The following RBM4 variants were observed in gnomAD, a reference collection of about 807,000 sequenced individuals.
RBM4 encodes the protein RNA-binding protein 4.
A neutral mutation model predicts 29.5 loss-of-function variants in RBM4; 7 were observed. The ratio of observed to expected loss-of-function variants is 0.24; its 90% CI spans 0.14 to 0.45. RBM4 has a LOEUF of 0.45. Ranked by LOEUF, RBM4 falls within the 20% of genes least tolerant of loss-of-function variation. RBM4 has a pLI of 1.00. For missense variants in RBM4, 387 were observed against 502.3 expected, an observed-to-expected ratio of 0.77 and a Z score of 2.19; for synonymous variants, 220 against 205.4, an observed-to-expected ratio of 1.07 and a Z score of -0.61.
At position 66,644,248 on chromosome 11, in the gene RBM4, G is replaced by A. The variant is rs1938592633; in HGVS notation, c.*8+108G>A. The A allele has an allele frequency of 4.2e-6, 6 of 1,435,614 alleles. No homozygotes were observed. In the Admixed American group the frequency reaches 7.7e-5, roughly 19 times the overall value. 88.9% of individuals were successfully genotyped at this position (1,435,614 alleles called of 1,614,324 possible). A position where few individuals can be genotyped will look rare whatever the true frequency, so the allele number is the denominator to read the frequency against. On this transcript the variant is annotated intron_variant, in intron 3 of 3. Transcript: ENST00000310092. ...CTTGCTTGCTTTTGCAGGGTTAGGG[G>A]AAGGTTACTAGGATGGCTCACAGGC...
intron 2 of RBM4, among the ~76,000 whole-genome samples, chr11:66,651,565 G>T (rs1938832003): frequency 6.6e-6 from 1 of 152,086 alleles, no homozygotes; most frequent in Non-Finnish European, 1.5e-5. Context: ...AGCCAGGATG[G>T]TCTCGATCTC....
In RBM4 at chr11:66,661,518, G is replaced by C. The variant is rs1939083150; in HGVS notation, c.413-4338G>C. 2.6e-5 allele frequency among the ~76,000 whole-genome samples: 4 copies of C among 152,144 alleles called. No homozygotes were observed. The South Asian group carries it at 6.2e-4, about 24-fold the overall frequency. On this transcript the variant is annotated intron_variant, in intron 2 of 2. Transcript: ENST00000396053. The stretch of plus-strand genomic sequence containing the variant: ...TGCTGGAAACCTGAGGAAGGGGGTA[G>C]ATCTGAGGCTACAGAAACCACATAT...
intron 2 of RBM4, among the ~76,000 whole-genome samples, chr11:66,659,998 G>C (rs1939043452): frequency 6.6e-6 from 1 of 152,084 alleles, no homozygotes; most frequent in South Asian, 2.1e-4. Context: ...CAATCCCTTA[G>C]TTTGAACGTG....
chr11:66,652,735 G>A (rs1938859109), intron 2 of RBM4, among the ~76,000 whole-genome samples: 1 of 152,158 alleles, frequency 6.6e-6, no homozygotes, highest in Non-Finnish European at 1.5e-5. Flanking sequence ...TTCGGGCGTG[G>A]TGGCGCATGT....
rs1469532489 is a variant in RBM4 at position 66,643,395 on chromosome 11, G to A, written c.413-55G>A. On this transcript the variant is annotated intron_variant, in intron 2 of 3. Transcript: ENST00000310092. The surrounding 1 kb of genome is among the most constrained non-coding windows in gnomAD (Gnocchi z 6.1). ...TGCTATGACCAGTGTCTGGGGTAGGGGCTGGGGCTATGACTAAGAGTGATA... is the reference window on the plus strand; with the variant it reads ...TGCTATGACCAGTGTCTGGGGTAGGAGCTGGGGCTATGACTAAGAGTGATA... 3 of 1,554,724 alleles carry A rather than the reference G, an allele frequency of 1.9e-6. No homozygotes were observed. Among genetic ancestry groups the A allele is most frequent in the Middle Eastern group, 1.7e-4 (1 of 5,790 alleles).
At chr11:66,658,193 T>G (rs1172785119) in intron 2 of RBM4, among the ~76,000 whole-genome samples, 1 of 151,796 alleles carries the variant, frequency 6.6e-6, no homozygotes, top group African/African-American at 2.4e-5. Context: ...CACGCCCGTC[T>G]AATTTTGTAT....
chr11:66,644,253 T>C (rs1046613105), intron 3 of RBM4, 113 bp downstream of exon 3: 2 of 1,400,762 alleles, frequency 1.4e-6, no homozygotes, highest in Non-Finnish European at 1.9e-6. Context: ...TAGGGGAAGG[T>C]TACTAGGATG....
chr11:66,659,034 A>C (rs1483804957), intron 2 of RBM4, among the ~76,000 whole-genome samples: 1 of 151,412 alleles, frequency 6.6e-6, no homozygotes, highest in African/African-American at 2.4e-5. Flanking sequence ...AAATACATTA[A>C]AATTTTTTTT....
rs574191326 is a variant in RBM4, at chr11:66,658,106, G to A, written c.413-7750G>A. ...TGCAACGGCACGATCTCGGCTCAGT[G>A]CAACCTCTGCCTCCTGGATTCAAGC... On this transcript the variant is annotated intron_variant, in intron 2 of 2. Coordinates refer to the RBM4 transcript ENST00000396053. Among the ~76,000 whole-genome samples, 15 of 151,600 alleles carry A rather than the reference G, an allele frequency of 9.9e-5. No individual in the cohort carries two copies. In the East Asian group the frequency reaches 2.9e-3, roughly 29 times the overall value.
downstream of RBM4, among the ~76,000 whole-genome samples, chr11:66,647,420 T>C (rs1280829116): frequency 6.6e-6 from 1 of 152,252 alleles, no homozygotes; most frequent in Non-Finnish European, 1.5e-5. Flanking sequence ...CTATACAACA[T>C]GTAATTTATT....
chr11:66,657,780 C>CA, intron 2 of RBM4, among the ~76,000 whole-genome samples: 1 of 151,802 alleles, frequency 6.6e-6, no homozygotes, highest in South Asian at 2.1e-4. Flanking sequence ...CTATGTCACC[C>CA]AGGCTGGAGT....
chr11:66,658,008 C>T (rs1436363349), intron 2 of RBM4, among the ~76,000 whole-genome samples: 1 of 151,766 alleles, frequency 6.6e-6, no homozygotes, highest in Non-Finnish European at 1.5e-5. Flanking sequence ...GCGTGAGCCA[C>T]CTAGTCTGAC....
At chr11:66,651,364 T>G (rs1938827131), downstream of RBM4, among the ~76,000 whole-genome samples, 1 of 151,912 alleles carries the variant, frequency 6.6e-6, no homozygotes, top group Non-Finnish European at 1.5e-5. Flanking sequence ...TTTTTTTTTT[T>G]TGAGGCGGAG....
chr11:66,663,294 C>T (rs1040837722), intron 2 of RBM4, among the ~76,000 whole-genome samples: 1 of 152,180 alleles, frequency 6.6e-6, no homozygotes, highest in Non-Finnish European at 1.5e-5. Flanking sequence ...AATATTTTAG[C>T]CAAAGCCTAA....
chr11:66,665,523 G>A (rs764970265), intron 2 of RBM4: 40 of 1,388,550 alleles, frequency 2.9e-5, no homozygotes, highest in East Asian at 5.0e-5. Flanking sequence ...GGGACCGCGC[G>A]GAGCAAGTTC....
rs1938549563 is a variant in RBM4 at position 66,643,349 on chromosome 11, G to C, written c.413-101G>C. On this transcript the variant is annotated intron_variant, in intron 2 of 3. Coordinates refer to ENST00000310092, the MANE Select transcript of RBM4 (RefSeq NM_002896.4). The surrounding 1 kb of genome is among the most constrained non-coding windows in gnomAD (Gnocchi z 6.1). ...TTTCCTAAAGATGAGTCCTGCATTA[G>C]AATTGTCTAGATAAAGCCATTGCTA... is the stretch of plus-strand genomic sequence containing the variant. 7.3e-7 allele frequency: 1 copy of C among 1,378,984 alleles called. No individual in the cohort carries two copies. The highest frequency in any genetic ancestry group is 9.8e-7 in the Non-Finnish European group (1 of 1,021,952). 85.4% of individuals were successfully genotyped at this position (1,378,984 alleles called of 1,614,324 possible).
downstream of RBM4, among the ~76,000 whole-genome samples, chr11:66,646,989 A>G (rs1215908148): frequency 1.3e-5 from 2 of 152,242 alleles, no homozygotes; most frequent in Non-Finnish European, 2.9e-5. Flanking sequence ...GAATGCCTGA[A>G]TGGTCCCACT....
At chr11:66,644,434 T>C in intron 3 of RBM4, 1 of 307,902 alleles carries the variant, frequency 3.2e-6, no homozygotes, top group Non-Finnish European at 5.8e-6. Flanking sequence ...CTATGTACTA[T>C]ACTATAATTG....
downstream of RBM4, among the ~76,000 whole-genome samples, chr11:66,648,034 GTC>G (rs948922708): frequency 1.1e-4 from 17 of 152,154 alleles, no homozygotes; most frequent in African/African-American, 4.1e-4. Flanking sequence ...GAAAAACCCT[GTC>G]TCTACTAAAA....
Sources: allele counts gnomAD v4.1 joint callset (sites outside exome capture counted in the v4.1 genomes callset), GRCh38; gene constraint gnomAD v4.1.1; non-coding constraint Gnocchi (gnomAD v3.1); transcripts MANE v1.5; gene names NCBI Gene and HGNC (gene_info 2026-07-23, HGNC 2026-07-21).